PFDN2: variants seen among roughly 807,000 people sequenced by gnomAD.
The protein encoded by PFDN2 is prefoldin subunit 2.
A neutral mutation model predicts 18.3 loss-of-function variants in PFDN2; 7 were observed. The ratio of observed to expected loss-of-function variants is 0.38; its 90% CI spans 0.22 to 0.72. The LOEUF (loss-of-function observed/expected upper bound fraction) is 0.72. Ranked by LOEUF, PFDN2 falls within the 30% of genes least tolerant of loss-of-function variation. The probability of loss-of-function intolerance (pLI) is 0.47; values close to 1 mark genes in which losing one functional copy is unlikely to be tolerated. For synonymous variants in PFDN2, 76 were observed against 75.0 expected, an observed-to-expected ratio of 1.01 and a Z score of -0.07; for missense variants, 181 against 199.1, an observed-to-expected ratio of 0.91 and a Z score of 0.55.
chr1:161,108,564 C>CA (rs762346640), intron 1 of PFDN2, among the ~76,000 whole-genome samples: 12,755 of 139,594 alleles, frequency 0.091, 579 homozygotes, highest in South Asian at 0.14. Flanking sequence ...GACTCCATCT[C>CA]AAAAAAAAAA....
At chr1:161,109,709 T>C (rs1345916628) in intron 1 of PFDN2, among the ~76,000 whole-genome samples, 1 of 152,132 alleles carries the variant, frequency 6.6e-6, no homozygotes, top group Non-Finnish European at 1.5e-5. Flanking sequence ...TAACATAGTG[T>C]GGATCCAGGC....
rs567643529 is a variant in PFDN2, at chr1:161,117,916, A to C, written c.75+36T>G. Reference sequence around the variant, plus strand: ...CCCTTCTCGCTAGTATTCCAGACCCAGGTGGGTACCCTGCTTCGCGTTAGC... The same window carrying C: ...CCCTTCTCGCTAGTATTCCAGACCCCGGTGGGTACCCTGCTTCGCGTTAGC... On this transcript the variant is annotated intron_variant, in intron 1 of 3. Transcript: ENST00000368010. 19 of 1,560,776 alleles carry C rather than the reference A, an allele frequency of 1.2e-5. No individual in the cohort carries two copies. The East Asian group carries it at 4.3e-4, about 35-fold the overall frequency.
chr1:161,108,993 G>A (rs923200919), intron 1 of PFDN2, among the ~76,000 whole-genome samples: 13 of 152,008 alleles, frequency 8.6e-5, no homozygotes, highest in African/African-American at 2.9e-4. Context: ...CAGCATAAGT[G>A]ACCAAAAATA....
At chr1:161,115,316 G>A (rs1243617426) in intron 1 of PFDN2, among the ~76,000 whole-genome samples, 3 of 152,102 alleles carry the variant, frequency 2.0e-5, no homozygotes, top group South Asian at 2.1e-4. Flanking sequence ...CACCCACCTC[G>A]GTATCCCAAA....
chr1:161,113,798 TA>T (rs1251967619), intron 1 of PFDN2, among the ~76,000 whole-genome samples: 1 of 152,146 alleles, frequency 6.6e-6, no homozygotes, highest in Non-Finnish European at 1.5e-5. Flanking sequence ...TAACAGAAGG[TA>T]AAACAAGTGT....
chr1:161,108,088 C>T (rs1654721923), intron 1 of PFDN2, among the ~76,000 whole-genome samples: 1 of 146,558 alleles, frequency 6.8e-6, no homozygotes, highest in Non-Finnish European at 1.5e-5. Context: ...GCACTCCAAC[C>T]TAGGCAACAG....
At chr1:161,115,376 G>C (rs1019103843) in intron 1 of PFDN2, among the ~76,000 whole-genome samples, 26 of 152,288 alleles carry the variant, frequency 1.7e-4, no homozygotes, top group African/African-American at 6.3e-4. Context: ...CAATTCATAA[G>C]TTTTAAGTTT....
chr1:161,111,622 C>T (rs1275954817), intron 1 of PFDN2, among the ~76,000 whole-genome samples: 1 of 152,190 alleles, frequency 6.6e-6, no homozygotes, highest in Non-Finnish European at 1.5e-5. Flanking sequence ...TGAGAACTAA[C>T]TGAGATAATA....
intron 1 of PFDN2, among the ~76,000 whole-genome samples, chr1:161,117,640 T>C (rs904462686): frequency 2.0e-4 from 30 of 152,258 alleles, no homozygotes; most frequent in Middle Eastern, 3.4e-3. Context: ...ATAACCTGTT[T>C]GGAGAGGCTG....
chr1:161,113,085 A>G (rs894436335), intron 1 of PFDN2, among the ~76,000 whole-genome samples: 1 of 152,184 alleles, frequency 6.6e-6, no homozygotes, highest in Non-Finnish European at 1.5e-5. Context: ...AGTTCCGACA[A>G]TAAATGTATT....
At chr1:161,103,838 A>T (rs1403330640) in intron 1 of PFDN2, among the ~76,000 whole-genome samples, 1 of 152,142 alleles carries the variant, frequency 6.6e-6, no homozygotes, top group Non-Finnish European at 1.5e-5. Context: ...TGTGGGGGGA[A>T]AAAATGAAAA....
chr1:161,102,331 C>T lies in PFDN2; in HGVS notation c.120G>A (p.Leu40=). The stretch of plus-strand genomic sequence containing the variant: ...TCTCCAACTCAGCTGCTTTGGATGC[C>T]AGGCCTCGCTGTTCCTGCCGAAGGC... ...FNRLRQEQRG[L]ASKAAELEME... Residue 40 remains leucine, a synonymous_variant, in exon 2 of 4, where the codon CTG becomes CTA. Coordinates refer to ENST00000368010, the MANE Select transcript of PFDN2 (RefSeq NM_012394.4). 6.2e-7 allele frequency: 1 copy of T among 1,614,174 alleles called. No individual in the cohort carries two copies. The highest frequency in any genetic ancestry group is 8.5e-7 in the Non-Finnish European group (1 of 1,180,024).
At chr1:161,115,231 T>A (rs2101708077) in intron 1 of PFDN2, among the ~76,000 whole-genome samples, 1 of 152,252 alleles carries the variant, frequency 6.6e-6, no homozygotes, top group East Asian at 1.9e-4. Flanking sequence ...ACCTGGCTAA[T>A]TTTTTTATTT....
intron 3 of PFDN2, among the ~76,000 whole-genome samples, chr1:161,101,291 G>A (rs952921249): frequency 4.0e-5 from 6 of 150,114 alleles, no homozygotes; most frequent in South Asian, 2.1e-4. Flanking sequence ...GCTCCGCCTC[G>A]CAGGTTCACG....
At chr1:161,104,018 C>T (rs113464011) in intron 1 of PFDN2, among the ~76,000 whole-genome samples, 6 of 152,252 alleles carry the variant, frequency 3.9e-5, no homozygotes, top group African/African-American at 1.4e-4. Context: ...AACAACTACA[C>T]AACTACTGGG....
chr1:161,100,719 C>T lies in PFDN2; in HGVS notation c.429G>A (p.Gly143=). 6.2e-7 allele frequency: 1 copy of T among 1,613,982 alleles called. No individual in the cohort carries two copies. Among genetic ancestry groups the T allele is most frequent in the South Asian group, 1.1e-5 (1 of 91,076 alleles). Residue 143 remains glycine (G), a synonymous_variant, in exon 4 of 4, where the codon GGG becomes GGA. Coordinates refer to ENST00000368010, the MANE Select transcript of PFDN2 (RefSeq NM_012394.4). ...PAAKENSEGA[G]AKASSAGVLV... ...ACACTCCAGCTGAGCTGGCCTTAGC[C>T]CCAGCCCCTTCTGAGTTTTCCTTGG...
intron 1 of PFDN2, 70 bp from the exon 2 acceptor site, chr1:161,102,445 G>T: frequency 8.1e-7 from 1 of 1,228,890 alleles, no homozygotes; most frequent in Non-Finnish European, 1.2e-6. Flanking sequence ...AGCACATAGG[G>T]TGGCAGGCTT....
At chr1:161,108,429 G>A (rs1403188443) in intron 1 of PFDN2, among the ~76,000 whole-genome samples, 1 of 146,204 alleles carries the variant, frequency 6.8e-6, no homozygotes, top group African/African-American at 2.6e-5. Context: ...TTACACTCCA[G>A]CCTGGGCACA....
chr1:161,117,061 C>A (rs1189243845), intron 1 of PFDN2, among the ~76,000 whole-genome samples: 2 of 151,508 alleles, frequency 1.3e-5, no homozygotes, highest in African/African-American at 4.9e-5. Context: ...GGTGAAACCC[C>A]GTCTCTACTA....
Sources: allele counts gnomAD v4.1 joint callset (sites outside exome capture counted in the v4.1 genomes callset), GRCh38; gene constraint gnomAD v4.1.1; transcripts MANE v1.5; gene names NCBI Gene and HGNC (gene_info 2026-07-23, HGNC 2026-07-21).